The following HIVEP3 variants were observed in gnomAD, a reference collection of about 807,000 sequenced individuals.
The protein encoded by HIVEP3 is HIVEP zinc finger 3, also known as transcription factor HIVEP3.
In HIVEP3, 49 loss-of-function variants were observed where a neutral mutation model predicts 152.8. That is an observed-to-expected ratio of 0.32 (90% CI 0.26 to 0.41). The LOEUF (loss-of-function observed/expected upper bound fraction) is 0.41. Among genes scored for constraint, HIVEP3 ranks in the 10% least tolerant of loss-of-function variants. The probability of loss-of-function intolerance (pLI) is 1.00; values close to 1 mark genes in which losing one functional copy is unlikely to be tolerated. For missense variants in HIVEP3, 2,790 were observed against 3,103.3 expected (o/e 0.90, Z 2.40); for synonymous variants, 1,269 against 1,289.0 (o/e 0.98, Z 0.33).
intron 1 of HIVEP3, among the ~76,000 whole-genome samples, chr1:41,886,788 T>C (rs770522017): frequency 6.8e-5 from 10 of 147,494 alleles, no homozygotes; most frequent in Admixed American, 2.0e-4. Flanking sequence ...AGCTAGAGCA[T>C]AGAACTTTCT....
intron 1 of HIVEP3, among the ~76,000 whole-genome samples, chr1:41,949,086 A>G (rs1293193695): frequency 2.6e-5 from 4 of 152,230 alleles, no homozygotes; most frequent in Non-Finnish European, 4.4e-5. Flanking sequence ...CTCCTCCCAC[A>G]CAAATAGTCT....
chr1:41,558,073 C>G (rs1643996755), intron 5 of HIVEP3, among the ~76,000 whole-genome samples: 1 of 152,192 alleles, frequency 6.6e-6, no homozygotes, highest in Non-Finnish European at 1.5e-5. Context: ...GAACTGGGCA[C>G]TCTGGCAACT....
chr1:41,917,907 C>A (rs1644895700), intron 1 of HIVEP3, among the ~76,000 whole-genome samples: 1 of 152,220 alleles, frequency 6.6e-6, no homozygotes, highest in Admixed American at 6.5e-5. Flanking sequence ...TCACTCTCAA[C>A]CAAGCAGGCT....
intron 1 of HIVEP3, among the ~76,000 whole-genome samples, chr1:41,927,274 C>A (rs1383646755): frequency 6.6e-6 from 1 of 152,194 alleles, no homozygotes; most frequent in Non-Finnish European, 1.5e-5. Context: ...CAATCCTGCA[C>A]TGAGACAGGC....
Position 41,579,757 on chromosome 1 carries a change from G to T in HIVEP3, c.5041C>A (p.Arg1681Ser). 1 of 1,585,486 alleles carries T rather than the reference G, an allele frequency of 6.3e-7. No individual in the cohort carries two copies. Among genetic ancestry groups the T allele is most frequent in the African/African-American group, 1.3e-5 (1 of 74,358 alleles). Residue 1681 changes from arginine (R) to serine (S), a missense_variant, in exon 4 of 9, where the codon CGC (arginine) becomes AGC (serine). Arg to Ser is a moderately radical substitution (Grantham distance 110, BLOSUM62 -1). Coordinates refer to ENST00000372583, the MANE Select transcript of HIVEP3 (RefSeq NM_024503.5). The part of the protein sequence containing the change: ...EAGRLVPSSS[R>S]KPRMTEVHLP... Reference sequence around the variant, plus strand: ...CTTACCTCTGTCATGCGGGGCTTGCGGGAGCTGGATGGCACAAGCCTTCCT... The same window carrying T: ...CTTACCTCTGTCATGCGGGGCTTGCTGGAGCTGGATGGCACAAGCCTTCCT...
chr1:41,780,361 G>A (rs1253883591), intron 1 of HIVEP3, among the ~76,000 whole-genome samples: 2 of 152,214 alleles, frequency 1.3e-5, no homozygotes, highest in African/African-American at 2.4e-5. Context: ...GTGCCAAGGG[G>A]TAGTGAAGAA....
chr1:41,794,143 G>A (rs1031026682), intron 1 of HIVEP3, among the ~76,000 whole-genome samples: 3 of 152,202 alleles, frequency 2.0e-5, no homozygotes, highest in Admixed American at 2.0e-4. Flanking sequence ...AGTTCCACAT[G>A]GCTGGGGATG....
At chr1:41,648,735 A>T (rs1323289529) in intron 2 of HIVEP3, among the ~76,000 whole-genome samples, 1 of 152,260 alleles carries the variant, frequency 6.6e-6, no homozygotes, top group Non-Finnish European at 1.5e-5. Context: ...TCCTTGTACC[A>T]ATGGCAAGAC....
chr1:41,905,991 T>C (rs1304265270), intron 1 of HIVEP3, among the ~76,000 whole-genome samples: 1 of 152,142 alleles, frequency 6.6e-6, no homozygotes, highest in Non-Finnish European at 1.5e-5. Flanking sequence ...ACAATCCAAA[T>C]TTCTATCAAC....
In HIVEP3 at chr1:41,944,623, G is replaced by A. The variant is rs184884773; in HGVS notation, n.120-26099C>T. 3.2e-3 allele frequency among the ~76,000 whole-genome samples: 485 copies of A among 152,286 alleles called. 3 individuals carry two copies. The highest frequency in any genetic ancestry group is 0.011 in the African/African-American group (464 of 41,554). On this transcript the variant is annotated intron_variant and non_coding_transcript_variant, in intron 1 of 3. Transcript: ENST00000489103. ...TGGACACACTGGTAAAGGACCACTG[G>A]AATCCAGCAGCCCGGATCCCTTTCT...
chr1:41,817,312 G>A (rs972348660), intron 1 of HIVEP3, among the ~76,000 whole-genome samples: 19 of 152,154 alleles, frequency 1.2e-4, no homozygotes, highest in African/African-American at 4.6e-4. Context: ...ACAATAATTT[G>A]GGGTGGAGGG....
intron 2 of HIVEP3, among the ~76,000 whole-genome samples, chr1:41,700,099 C>A (rs570178729): frequency 6.6e-6 from 1 of 152,284 alleles, no homozygotes; most frequent in East Asian, 1.9e-4. Flanking sequence ...CCTTGAACTA[C>A]CCCCACAACC....
chr1:41,765,109 C>A (rs935357788), intron 1 of HIVEP3, among the ~76,000 whole-genome samples: 1 of 152,192 alleles, frequency 6.6e-6, no homozygotes. Context: ...TCTTTGACCT[C>A]CCTTTATTTT....
intron 1 of HIVEP3, among the ~76,000 whole-genome samples, chr1:41,909,010 T>G (rs1644757133): frequency 6.6e-6 from 1 of 152,062 alleles, no homozygotes; most frequent in Admixed American, 6.6e-5. Context: ...ACCAAACAAT[T>G]TAAAGGAACC....
intron 1 of HIVEP3, among the ~76,000 whole-genome samples, chr1:41,772,094 C>A (rs1648411312): frequency 6.6e-6 from 1 of 152,192 alleles, no homozygotes; most frequent in African/African-American, 2.4e-5. Context: ...GTAGGCCATG[C>A]TTGACCTCCT....
chr1:41,595,906 C>G (rs1644659091), intron 3 of HIVEP3, among the ~76,000 whole-genome samples: 2 of 152,132 alleles, frequency 1.3e-5, no homozygotes, highest in Admixed American at 1.3e-4. Flanking sequence ...ATTGTGGGAC[C>G]TCACCTTGTG....
intron 1 of HIVEP3, among the ~76,000 whole-genome samples, chr1:41,787,440 C>T (rs1243330358): frequency 1.3e-5 from 2 of 152,174 alleles, no homozygotes; most frequent in Non-Finnish European, 2.9e-5. Flanking sequence ...CCCCTCCCTA[C>T]GTATACTTAC....
At chr1:41,776,296 C>A (rs994334661) in intron 1 of HIVEP3, among the ~76,000 whole-genome samples, 2 of 152,234 alleles carry the variant, frequency 1.3e-5, no homozygotes, top group Non-Finnish European at 2.9e-5. Context: ...AAAGAAAGAG[C>A]CTTCTCTTGA....
chr1:41,672,075 G>C (rs752287088), intron 2 of HIVEP3, among the ~76,000 whole-genome samples: 8 of 152,186 alleles, frequency 5.3e-5, no homozygotes, highest in Non-Finnish European at 1.2e-4. Flanking sequence ...GGCCCTTAGC[G>C]CATGAGTGTG....
Sources: gnomAD v4.1 joint callset for allele counts (sites outside exome capture counted in the v4.1 genomes callset) on GRCh38, gnomAD v4.1.1 for gene constraint, MANE v1.5 for transcripts, NCBI Gene and HGNC (gene_info 2026-07-23, HGNC 2026-07-21) for gene names.